NR3C2: variants seen among roughly 807,000 people sequenced by gnomAD.
NR3C2 encodes nuclear receptor subfamily 3 group C member 2.
NR3C2 carries 15 observed loss-of-function variants against 86.4 expected under a neutral mutation model. The observed-to-expected ratio is 0.17, with a 90% CI of 0.12 to 0.27. The LOEUF (loss-of-function observed/expected upper bound fraction) is 0.27, where lower values mean the gene tolerates loss of function less well. Ranked by LOEUF, NR3C2 falls within the 10% of genes least tolerant of loss-of-function variation. NR3C2 has a pLI of 1.00. For missense variants in NR3C2, 960 were observed against 1,195.6 expected (o/e 0.80, Z 2.91); for synonymous variants, 458 against 450.5 (o/e 1.02, Z -0.21).
At chr4:148,243,150 C>T (rs1739146134) in intron 3 of NR3C2, among the ~76,000 whole-genome samples, 1 of 151,950 alleles carries the variant, frequency 6.6e-6, no homozygotes, top group Non-Finnish European at 1.5e-5. Flanking sequence ...CCTGCCTCAG[C>T]TTCCTGAGTA....
chr4:148,285,713 A>C lies in NR3C2; in HGVS notation c.1758-25596T>G, dbSNP rs572269575. On this transcript the variant is annotated intron_variant, in intron 2 of 8. Transcript: ENST00000358102. ...AGAGTGAGACTCTGTCTCAAAAAAAACAAAAACAAACAAACAAAAAAAACT... is the reference window on the plus strand; with the variant it reads ...AGAGTGAGACTCTGTCTCAAAAAAACCAAAAACAAACAAACAAAAAAAACT... Among the ~76,000 whole-genome samples, 10 of 152,192 alleles carry C rather than the reference A, an allele frequency of 6.6e-5. 1 individual carries two copies. The Admixed American group carries it at 6.6e-4, about 10-fold the overall frequency.
intron 2 of NR3C2, among the ~76,000 whole-genome samples, chr4:148,305,007 G>A (rs1007123885): frequency 7.7e-5 from 11 of 143,378 alleles, no homozygotes; most frequent in Admixed American, 2.8e-4. Flanking sequence ...CCAGGTTTTA[G>A]CTGAACTAAC....
chr4:148,237,106 C>G (rs912890635), intron 3 of NR3C2, among the ~76,000 whole-genome samples: 1 of 152,176 alleles, frequency 6.6e-6, no homozygotes, highest in Non-Finnish European at 1.5e-5. Context: ...TTAATGAATA[C>G]TGAATTTAGC....
intron 2 of NR3C2, among the ~76,000 whole-genome samples, chr4:148,365,694 C>A (rs553335913): frequency 6.6e-6 from 1 of 152,082 alleles, no homozygotes; most frequent in African/African-American, 2.4e-5. Context: ...ATTTTGAGAT[C>A]TCTACAACCA....
At chr4:148,383,910 T>C (rs1440177987) in intron 2 of NR3C2, among the ~76,000 whole-genome samples, 1 of 143,124 alleles carries the variant, frequency 7.0e-6, no homozygotes, top group Non-Finnish European at 1.5e-5. Context: ...ATGGTGCCAC[T>C]GCACTCCAGC....
At chr4:148,258,224 A>G (rs973281194) in intron 3 of NR3C2, among the ~76,000 whole-genome samples, 12 of 152,162 alleles carry the variant, frequency 7.9e-5, no homozygotes, top group Admixed American at 3.9e-4. Context: ...TTTGTTTACT[A>G]ATTAAGTGAG....
At chr4:148,419,582 C>T (rs879734219) in intron 2 of NR3C2, among the ~76,000 whole-genome samples, 3 of 152,134 alleles carry the variant, frequency 2.0e-5, no homozygotes, top group Non-Finnish European at 4.4e-5. Flanking sequence ...CATATTTATT[C>T]GTGGGACCAA....
intron 3 of NR3C2, among the ~76,000 whole-genome samples, chr4:148,233,366 GT>G (rs56388064): frequency 7.0e-6 from 1 of 142,784 alleles, no homozygotes; most frequent in African/African-American, 2.6e-5. Flanking sequence ...ATTTCTTTAG[GT>G]TTTTTTTTTT....
At chr4:148,371,172 T>A (rs1746399053) in intron 2 of NR3C2, among the ~76,000 whole-genome samples, 1 of 152,238 alleles carries the variant, frequency 6.6e-6, no homozygotes, top group Non-Finnish European at 1.5e-5. Flanking sequence ...GAGCATTTAT[T>A]CTTTGTGTTA....
chr4:148,216,821 C>T (rs529978451), intron 3 of NR3C2, among the ~76,000 whole-genome samples: 27 of 152,304 alleles, frequency 1.8e-4, no homozygotes, highest in South Asian at 1.2e-3. Context: ...AATCACCCTG[C>T]TATCTGAACA....
intron 2 of NR3C2, among the ~76,000 whole-genome samples, chr4:148,312,074 C>A (rs1383034985): frequency 8.4e-6 from 1 of 119,068 alleles, no homozygotes; most frequent in Non-Finnish European, 1.6e-5. Flanking sequence ...TAACATATCA[C>A]ATTTTACTTT....
At chr4:148,117,347 T>C (rs1001625150) in intron 7 of NR3C2, among the ~76,000 whole-genome samples, 1 of 152,232 alleles carries the variant, frequency 6.6e-6, no homozygotes, top group African/African-American at 2.4e-5. Flanking sequence ...CCCTCTGCTA[T>C]GGAGTCTGCG....
chr4:148,337,396 G>A (rs1311219013), intron 2 of NR3C2, among the ~76,000 whole-genome samples: 2 of 152,098 alleles, frequency 1.3e-5, no homozygotes, highest in Non-Finnish European at 2.9e-5. Flanking sequence ...GGTTCACATG[G>A]CATTCTGATT....
chr4:148,292,689 GA>G (rs1390558656), intron 2 of NR3C2, among the ~76,000 whole-genome samples: 1 of 152,020 alleles, frequency 6.6e-6, no homozygotes, highest in African/African-American at 2.4e-5. Context: ...TCAGAATACA[GA>G]GTATTAATCA....
chr4:148,148,915 T>A (rs563311022), intron 6 of NR3C2, among the ~76,000 whole-genome samples: 1 of 152,234 alleles, frequency 6.6e-6, no homozygotes, highest in South Asian at 2.1e-4. Context: ...ATTCCTGGAA[T>A]AAATGCAAGA....
intron 6 of NR3C2, among the ~76,000 whole-genome samples, chr4:148,135,806 C>T (rs940275126): frequency 6.6e-6 from 1 of 151,900 alleles, no homozygotes. Context: ...CCTGTAATCC[C>T]AGCACTTTGG....
intron 2 of NR3C2, among the ~76,000 whole-genome samples, chr4:148,389,285 G>T: frequency 6.6e-6 from 1 of 152,308 alleles, no homozygotes; most frequent in Non-Finnish European, 1.5e-5. Context: ...GGGACTCACT[G>T]CAGAGAGAAC....
intron 8 of NR3C2, among the ~76,000 whole-genome samples, chr4:148,090,556 C>G (rs1731014566): frequency 6.6e-6 from 1 of 152,214 alleles, no homozygotes; most frequent in African/African-American, 2.4e-5. Context: ...CCAGGCACAT[C>G]TGTGAACCTG....
chr4:148,388,796 C>A (rs149707186), intron 2 of NR3C2, among the ~76,000 whole-genome samples: 14 of 152,096 alleles, frequency 9.2e-5, no homozygotes, highest in African/African-American at 3.4e-4. Context: ...ACTCTTTAGT[C>A]GCAAGGCTTG....
Sources: gnomAD v4.1 joint callset for allele counts (sites outside exome capture counted in the v4.1 genomes callset) on GRCh38, gnomAD v4.1.1 for gene constraint, MANE v1.5 for transcripts, NCBI Gene and HGNC (gene_info 2026-07-23, HGNC 2026-07-21) for gene names.